The following WDR3 variants were observed in gnomAD, a reference collection of about 807,000 sequenced individuals.
WDR3 encodes the protein WD repeat-containing protein 3.
Under a neutral mutation model 123.7 loss-of-function variants are expected in WDR3, and 81 were observed. The ratio of observed to expected loss-of-function variants is 0.65; its 90% CI spans 0.55 to 0.79. The LOEUF is 0.79. Ranked by LOEUF, WDR3 falls within the 30% of genes least tolerant of loss-of-function variation. The pLI is 0.00. For missense variants in WDR3, 1,027 were observed against 1,123.2 expected (o/e 0.91, Z 1.22); for synonymous variants, 390 against 388.8 (o/e 1.00, Z -0.04).
chr1:117,955,788 G>T (rs1381568607), intron 24 of WDR3, among the ~76,000 whole-genome samples: 2 of 151,126 alleles, frequency 1.3e-5, no homozygotes, highest in Non-Finnish European at 2.9e-5. Context: ...ATTGGATTCA[G>T]AATTATTCCA....
chr1:117,934,389 T>A lies in WDR3; in HGVS notation c.172-84T>A, dbSNP rs1157642226. ...ATTTGGAATTATTGGTGCTCTTAAT[T>A]TTACTGTGCCTGAGTATTCCTATGC... On this transcript the variant is annotated intron_variant, in intron 2 of 26. Coordinates refer to ENST00000349139, the MANE Select transcript of WDR3 (RefSeq NM_006784.3). 3 of 1,331,088 alleles carry A rather than the reference T, an allele frequency of 2.3e-6. No individual in the cohort carries two copies. The Admixed American group carries it at 6.5e-5, about 29-fold the overall frequency. 82.5% of individuals were successfully genotyped at this position (1,331,088 alleles called of 1,614,324 possible). A position where few individuals can be genotyped will look rare whatever the true frequency, so the allele number is the denominator to read the frequency against.
chr1:117,950,097 T>A lies in WDR3; in HGVS notation c.1713T>A (p.Cys571Ter). ...QKLLAVSLLD[C>*]TVKIFYVDTL... ...TATTGGCTGTGTCTTTGCTGGACTG[T>A]ACTGTGAAAATTTTCTACGTTGATA... is the stretch of plus-strand genomic sequence containing the variant. Residue 571 changes from cysteine to a stop codon, truncating the protein, a stop_gained, in exon 15 of 27, where the codon TGT becomes TGA. Coordinates refer to ENST00000349139, the MANE Select transcript of WDR3 (RefSeq NM_006784.3). LOFTEE classifies it high-confidence loss of function. 6.2e-7 allele frequency: 1 copy of A among 1,614,008 alleles called. No homozygotes were observed. The highest frequency in any genetic ancestry group is 8.5e-7 in the Non-Finnish European group (1 of 1,179,896).
rs200209712 is a variant in WDR3 at position 117,933,429 on chromosome 1, G to A, written c.110G>A (p.Arg37His). ...VFVTLRGEKG[R>H]YVAVPACEHV... ...GTGACACTTCGTGGTGAGAAAGGAC[G>A]TTATGTGGCAGTACCAGCTTGTGAA... is the stretch of plus-strand genomic sequence containing the variant. The change falls in exon 2 of 27, where the codon CGT (arginine) becomes CAT (histidine). Residue 37 changes from arginine (R) to histidine (H), a missense_variant. By Grantham distance (29) the Arg-to-His change is conservative. Transcript: ENST00000349139. 323 of 1,614,214 alleles carry A rather than the reference G, an allele frequency of 2.0e-4. No homozygotes were observed. The Middle Eastern group carries it at 2.3e-3, about 12-fold the overall frequency.
At chr1:117,953,983 T>C (rs1651787478) in intron 21 of WDR3, 24 bp from the exon 22 acceptor site, 2 of 1,592,058 alleles carry the variant, frequency 1.3e-6, no homozygotes, top group Non-Finnish European at 1.7e-6. Context: ...TGTGATGACT[T>C]CTTTCCTTTC....
In WDR3 at chr1:117,963,789, C is replaced by T. The variant is rs760448694; in HGVS notation, c.*4342C>T. ...TTGACAATCAAATTCCCATTTATTACTTACTGTACCTAATGTGGAGAAACT... is the reference window on the plus strand; with the variant it reads ...TTGACAATCAAATTCCCATTTATTATTTACTGTACCTAATGTGGAGAAACT... On this transcript the variant is annotated 3_prime_UTR_variant, in exon 27 of 27. Transcript: ENST00000349139. 7.5e-6 allele frequency: 12 copies of T among 1,600,376 alleles called. No homozygotes were observed. The South Asian group carries it at 1.3e-4, about 18-fold the overall frequency.
At chr1:117,948,050 A>G (rs992431322) in intron 12 of WDR3, among the ~76,000 whole-genome samples, 1 of 152,286 alleles carries the variant, frequency 6.6e-6, no homozygotes, top group South Asian at 2.1e-4. Flanking sequence ...TAAACTTTAA[A>G]GGCTTTTAGG....
intron 23 of WDR3, 70 bp downstream of exon 23, chr1:117,954,697 G>C (rs1018984078): frequency 1.4e-6 from 2 of 1,473,266 alleles, no homozygotes; most frequent in Non-Finnish European, 1.9e-6. Flanking sequence ...AAAGGAAGTA[G>C]AGGCATTATG....
intron 11 of WDR3, among the ~76,000 whole-genome samples, chr1:117,944,180 C>T (rs1011621407): frequency 1.5e-4 from 23 of 152,212 alleles, no homozygotes; most frequent in Non-Finnish European, 2.4e-4. Context: ...TTCACCAAAA[C>T]AGTCATTGTC....
intron 15 of WDR3, 145 bp from the exon 16 acceptor site, chr1:117,950,689 C>A: frequency 1.4e-6 from 1 of 691,546 alleles, no homozygotes; most frequent in Non-Finnish European, 2.4e-6. Flanking sequence ...GGTACTCCTG[C>A]CAAGCTGTCT....
At chr1:117,942,019 T>C (rs1459497983) in intron 9 of WDR3, among the ~76,000 whole-genome samples, 172 bp downstream of exon 9, 1 of 152,178 alleles carries the variant, frequency 6.6e-6, no homozygotes, top group African/African-American at 2.4e-5. Flanking sequence ...AGACAGAAAA[T>C]CATCTGATTT....
In WDR3 at chr1:117,959,451, TGAAA is replaced by T; in HGVS notation, c.*5_*8del. ...GTTGATTCTAACGTTGACTTAGAAC[TGAAA>T]TGTGGTATCTTTTTTTTTTTCAACT... On this transcript the variant is annotated 3_prime_UTR_variant, in exon 27 of 27. Coordinates refer to ENST00000349139, the MANE Select transcript of WDR3 (RefSeq NM_006784.3). The T allele has an allele frequency of 6.3e-7, 1 of 1,585,154 alleles. No individual in the cohort carries two copies. The highest frequency in any genetic ancestry group is 2.2e-5 in the East Asian group (1 of 44,630).
intron 25 of WDR3, 109 bp downstream of exon 25, chr1:117,957,305 G>A (rs78312756): frequency 0.016 from 20,994 of 1,352,200 alleles, 627 homozygotes; most frequent in South Asian, 0.11. Context: ...TGCCGAACTC[G>A]GTGGCTCACA....
At chr1:117,956,188 G>T (rs1237659130) in intron 24 of WDR3, among the ~76,000 whole-genome samples, 1 of 152,026 alleles carries the variant, frequency 6.6e-6, no homozygotes, top group Non-Finnish European at 1.5e-5. Flanking sequence ...GGTTTTTAAA[G>T]AATTCTTGCT....
In WDR3 at chr1:117,952,995, C is replaced by G; in HGVS notation, c.2201C>G (p.Ala734Gly). The change falls in exon 20 of 27, where the codon GCA becomes GGA. Residue 734 changes from alanine (A) to glycine (G), a missense_variant and splice_region_variant. Coordinates refer to ENST00000349139, the MANE Select transcript of WDR3 (RefSeq NM_006784.3). ...AGTGTGGCCAAAGAAGACCAACCAG[C>G]AGTAAGTAAATTTTGGGGACCTTGA... The part of the protein sequence containing the change: ...EESVAKEDQP[A>G]VPGETQGDSY... The G allele has an allele frequency of 6.2e-7, 1 of 1,612,946 alleles. No individual in the cohort carries two copies. The highest frequency in any genetic ancestry group is 8.5e-7 in the Non-Finnish European group (1 of 1,179,266).
intron 19 of WDR3, 47 bp from the exon 20 acceptor site, chr1:117,952,899 G>C (rs1183483536): frequency 6.2e-7 from 1 of 1,603,556 alleles, no homozygotes; most frequent in African/African-American, 1.3e-5. Flanking sequence ...TTCATATAGA[G>C]ACCATGTTTT....
intron 12 of WDR3, among the ~76,000 whole-genome samples, chr1:117,946,962 T>A (rs112090460): frequency 0.029 from 3,329 of 115,018 alleles, 133 homozygotes; most frequent in African/African-American, 0.093. Context: ...AAAAAAAAAA[T>A]GAGTAATTTG....
Position 117,961,380 on chromosome 1 carries a change from G to T in WDR3, c.*1933G>T, listed in dbSNP as rs1053428302. The T allele has an allele frequency of 3.3e-5, 5 of 152,262 alleles. No homozygotes were observed. The highest frequency in any genetic ancestry group is 1.2e-4 in the African/African-American group (5 of 41,560). The allele number at this position is 152,262 out of a possible 1,614,324, so 9.4% of individuals were successfully genotyped here. A position where few individuals can be genotyped will look rare whatever the true frequency, so the allele number is the denominator to read the frequency against. ...TGTCTACTGTATATCTTCATGGTAA[G>T]GATTTGGGGAATGTTCTAGGAAAAG... On this transcript the variant is annotated 3_prime_UTR_variant, in exon 27 of 27. Transcript: ENST00000349139.
At position 117,952,404 on chromosome 1, in the gene WDR3, T is replaced by C; in HGVS notation, c.2012T>C (p.Leu671Pro). ...GACAAATTTGAACACATACAGACTC[T>C]GGAGGTAACCACATGCCTTCTGTGC... ...DADKFEHIQT[L>P]EGHHQEIWCL... The change falls in exon 18 of 27, where the codon CTG (leucine) becomes CCG (proline). Residue 671 changes from leucine to proline, a missense_variant. Leu to Pro is a moderately conservative substitution (Grantham distance 98, BLOSUM62 -3). Transcript: ENST00000349139. 6.2e-7 allele frequency: 1 copy of C among 1,610,818 alleles called. No homozygotes were observed. The highest frequency in any genetic ancestry group is 8.5e-7 in the Non-Finnish European group (1 of 1,178,710).
intron 20 of WDR3, 133 bp from the exon 21 acceptor site, chr1:117,953,343 C>A: frequency 2.3e-6 from 2 of 861,766 alleles, no homozygotes; most frequent in South Asian, 1.6e-5. Flanking sequence ...AGTTCTGTTA[C>A]TGGTAGCTGA....
Sources: allele counts gnomAD v4.1 joint callset (sites outside exome capture counted in the v4.1 genomes callset), GRCh38; gene constraint gnomAD v4.1.1; transcripts MANE v1.5; gene names NCBI Gene and HGNC (gene_info 2026-07-23, HGNC 2026-07-21).